The following C13orf46 variants were observed in gnomAD, a reference collection of about 807,000 sequenced individuals.
C13orf46 encodes chromosome 13 open reading frame 46, also known as uncharacterized protein C13orf46.
chr13:113,943,988 G>T, the C13orf46 span, among the ~76,000 whole-genome samples: 11 of 152,136 alleles, frequency 7.2e-5, no homozygotes, highest in African/African-American at 2.4e-4. Flanking sequence ...CCTCTGGCTC[G>T]GGACCTTCAG....
At chr13:113,961,338 A>G (rs1428215777) in intron 6 of C13orf46, among the ~76,000 whole-genome samples, 2 of 151,948 alleles carry the variant, frequency 1.3e-5, no homozygotes, top group Non-Finnish European at 1.5e-5. Context: ...GTCCAATTGT[A>G]AACTATATTT....
chr13:113,970,735 C>G (rs534934622), intron 1 of C13orf46, among the ~76,000 whole-genome samples: 32 of 152,302 alleles, frequency 2.1e-4, no homozygotes, highest in African/African-American at 7.2e-4. Context: ...CTGGGCTCCC[C>G]GAGAGGCATT....
the C13orf46 span, among the ~76,000 whole-genome samples, chr13:113,945,654 A>AAG: frequency 7.2e-6 from 1 of 138,912 alleles, no homozygotes; most frequent in Non-Finnish European, 1.6e-5. Context: ...GAAAGAAAGA[A>AAG]AGAAAGAAAG....
rs2052504960 is a variant in C13orf46 at position 113,954,435 on chromosome 13, C to T, written c.*2338G>A. 1 of 152,422 alleles carries T rather than the reference C, an allele frequency of 6.6e-6. No homozygotes were observed. Among genetic ancestry groups the T allele is most frequent in the African/African-American group, 2.4e-5 (1 of 41,448 alleles). 9.4% of individuals were successfully genotyped at this position (152,422 alleles called of 1,614,324 possible). ...AGGCATGTCCTGGAGCCCCCCACAC[C>T]CCTAGGAAGACTCCCTCTCCTCCTC... On this transcript the variant is annotated 3_prime_UTR_variant, in exon 7 of 7. Transcript: ENST00000636427.
At chr13:113,944,597 GGTGT>G in the C13orf46 span, among the ~76,000 whole-genome samples, 1 of 150,398 alleles carries the variant, frequency 6.6e-6, no homozygotes, top group African/African-American at 2.5e-5. Context: ...GGGCTCTGCA[GGTGT>G]GTGACAAGTC....
At chr13:113,944,657 G>A in the C13orf46 span, among the ~76,000 whole-genome samples, 2 of 128,374 alleles carry the variant, frequency 1.6e-5, no homozygotes, top group Non-Finnish European at 3.3e-5. Flanking sequence ...AAGTCCTCCA[G>A]GTGTGTGATG....
chr13:113,946,505 G>A, the C13orf46 span, among the ~76,000 whole-genome samples: 11 of 152,212 alleles, frequency 7.2e-5, no homozygotes, highest in Non-Finnish European at 1.6e-4. Context: ...AGGCTGTGTG[G>A]GTCGTCAGCC....
At chr13:113,932,345 C>A in the C13orf46 span, among the ~76,000 whole-genome samples, 755 of 152,346 alleles carry the variant, frequency 5.0e-3, 5 homozygotes, top group African/African-American at 0.017. Context: ...ATCCTGCCAA[C>A]ATGCTGCGCG....
At chr13:113,931,948 G>A in the C13orf46 span, among the ~76,000 whole-genome samples, 5 of 150,920 alleles carry the variant, frequency 3.3e-5, no homozygotes, top group East Asian at 2.0e-4. Context: ...CCCCTGCCCC[G>A]TCCCTCCACC....
At chr13:113,957,278 G>A (rs1320617300) in intron 6 of C13orf46, among the ~76,000 whole-genome samples, 1 of 131,510 alleles carries the variant, frequency 7.6e-6, no homozygotes, top group East Asian at 2.3e-4. Context: ...CTTTCATCAA[G>A]CACACTGGGG....
At chr13:113,970,832 G>C (rs1041309156) in intron 1 of C13orf46, among the ~76,000 whole-genome samples, 3 of 152,200 alleles carry the variant, frequency 2.0e-5, no homozygotes, top group Admixed American at 6.5e-5. Context: ...CAGGGGCCCA[G>C]GAACATCAAC....
rs2052530587 is a variant in C13orf46, at chr13:113,956,148, T to TGGCGAAGAGGAGGAGCATCC, written c.*605_*624dup. On this transcript the variant is annotated 3_prime_UTR_variant, in exon 7 of 7. Transcript: ENST00000636427. ...TCTGGCGGAGAGGAGGAGTAGTATTTGGCGAAGAGGAGGAGCATCCGGCGG... is the reference window on the plus strand; with the variant it reads ...TCTGGCGGAGAGGAGGAGTAGTATTTGGCGAAGAGGAGGAGCATCCGGCGAAGAGGAGGAGCATCCGGCGG... 2 of 148,430 alleles carry TGGCGAAGAGGAGGAGCATCC rather than the reference T, an allele frequency of 1.3e-5. No homozygotes were observed. Among genetic ancestry groups the TGGCGAAGAGGAGGAGCATCC allele is most frequent in the African/African-American group, 5.2e-5 (2 of 38,222 alleles). 9.2% of individuals were successfully genotyped at this position (148,430 alleles called of 1,614,324 possible).
intron 5 of C13orf46, among the ~76,000 whole-genome samples, chr13:113,966,147 A>ATGGTGACGGTGATAG (rs2052643876): frequency 6.9e-6 from 1 of 144,088 alleles, no homozygotes; most frequent in Admixed American, 6.9e-5. Context: ...GATGATGACA[A>ATGGTGACGGTGATAG]TGGTGACGGT....
chr13:113,970,846 G>C (rs912719423), intron 1 of C13orf46, among the ~76,000 whole-genome samples: 3 of 152,186 alleles, frequency 2.0e-5, no homozygotes, highest in Non-Finnish European at 4.4e-5. Context: ...CATCAACTCG[G>C]GTGAGCGGTG....
the C13orf46 span, among the ~76,000 whole-genome samples, chr13:113,930,365 C>CGGG: frequency 1.3e-5 from 1 of 79,698 alleles, no homozygotes; most frequent in African/African-American, 6.6e-5. Flanking sequence ...GGTGGGGGCG[C>CGGG]AGGAGCACCG....
the C13orf46 span, among the ~76,000 whole-genome samples, chr13:113,945,002 C>G: frequency 9.3e-6 from 1 of 107,552 alleles, no homozygotes; most frequent in Non-Finnish European, 1.9e-5. Flanking sequence ...AGGTGTGTGA[C>G]AAGTCCTCCA....
At chr13:113,950,370 C>T (rs1347586022), downstream of C13orf46, among the ~76,000 whole-genome samples, 11 of 125,220 alleles carry the variant, frequency 8.8e-5, no homozygotes, top group African/African-American at 3.5e-4. Context: ...TCAGAGACCT[C>T]GGTGCTCCCA....
the C13orf46 span, among the ~76,000 whole-genome samples, chr13:113,942,948 G>A: frequency 1.3e-5 from 2 of 152,242 alleles, no homozygotes; most frequent in African/African-American, 4.8e-5. Context: ...ACTGCAGATG[G>A]CCGGCGGCCA....
At chr13:113,966,932 G>C (rs1407272998) in intron 5 of C13orf46, among the ~76,000 whole-genome samples, 1 of 152,104 alleles carries the variant, frequency 6.6e-6, no homozygotes, top group Non-Finnish European at 1.5e-5. Flanking sequence ...CTGAGGCACA[G>C]GGAAGTATGA....
Sources: allele counts gnomAD v4.1 joint callset (sites outside exome capture counted in the v4.1 genomes callset), GRCh38; gene constraint gnomAD v4.1.1; transcripts MANE v1.5; gene names NCBI Gene and HGNC (gene_info 2026-07-23, HGNC 2026-07-21).